Variants in BCKDHB observed in about 807,000 individuals in gnomAD.
BCKDHB encodes branched chain keto acid dehydrogenase E1 subunit beta.
BCKDHB carries 41 observed loss-of-function variants against 48.5 expected under a neutral mutation model. The ratio of observed to expected loss-of-function variants is 0.85; its 90% CI spans 0.66 to 1.10. The LOEUF is 1.10. Ranked by LOEUF, BCKDHB falls within the 50% of genes least tolerant of loss-of-function variation. The pLI is 0.00. For missense variants in BCKDHB, 496 were observed against 494.2 expected (o/e 1.00, Z -0.03); for synonymous variants, 201 against 174.8 (o/e 1.15, Z -1.18).
chr6:80,398,750 A>G, the BCKDHB span, among the ~76,000 whole-genome samples: 1 of 152,070 alleles, frequency 6.6e-6, no homozygotes, highest in African/African-American at 2.4e-5. Flanking sequence ...ATGAGGCCAG[A>G]ATTATCTTGA....
At chr6:80,203,940 G>T (rs1774516636) in intron 8 of BCKDHB, among the ~76,000 whole-genome samples, 1 of 142,512 alleles carries the variant, frequency 7.0e-6, no homozygotes, top group African/African-American at 2.7e-5. Flanking sequence ...GTTTGTAATA[G>T]TCTTATCAAT....
chr6:80,181,402 G>A (rs1046965227), intron 6 of BCKDHB, among the ~76,000 whole-genome samples: 1 of 152,028 alleles, frequency 6.6e-6, no homozygotes, highest in African/African-American at 2.4e-5. Flanking sequence ...CTGACTGTCA[G>A]CCATCGATGC....
At chr6:80,129,349 C>A in intron 3 of BCKDHB, 120 bp downstream of exon 3, 1 of 790,590 alleles carries the variant, frequency 1.3e-6, no homozygotes, top group Non-Finnish European at 2.2e-6. Context: ...AATTCCTTTT[C>A]ATTTCCAACG....
At chr6:80,136,062 C>G (rs956586422) in intron 3 of BCKDHB, among the ~76,000 whole-genome samples, 1 of 152,154 alleles carries the variant, frequency 6.6e-6, no homozygotes, top group Non-Finnish European at 1.5e-5. Flanking sequence ...TTTATCCATT[C>G]ATTTGTTGAT....
intron 6 of BCKDHB, among the ~76,000 whole-genome samples, chr6:80,190,159 A>T (rs191325092): frequency 3.0e-4 from 46 of 152,296 alleles, no homozygotes; most frequent in Non-Finnish European, 5.9e-4. Flanking sequence ...GTGTGTAAAA[A>T]ATTAATTTGA....
chr6:80,405,656 G>T, the BCKDHB span, among the ~76,000 whole-genome samples: 2 of 151,950 alleles, frequency 1.3e-5, no homozygotes, highest in African/African-American at 4.8e-5. Context: ...CAGTGCAGTG[G>T]TATGCTTTGA....
chr6:80,129,065 G>A (rs1770490856), intron 2 of BCKDHB, 96 bp from the exon 3 acceptor site: 1 of 956,976 alleles, frequency 1.0e-6, no homozygotes. Flanking sequence ...TATCTTTTGT[G>A]ATTTAAAATG....
In BCKDHB at chr6:80,203,180, A is replaced by AT; in HGVS notation, c.920dup (p.Ile308AsnfsTer10). 1 of 1,611,546 alleles carries AT rather than the reference A, an allele frequency of 6.2e-7. No homozygotes were observed. Among genetic ancestry groups the AT allele is most frequent in the Non-Finnish European group, 8.5e-7 (1 of 1,177,846 alleles). On this transcript the variant is annotated frameshift_variant, in exon 8 of 10. Transcript: ENST00000320393. LOFTEE classifies it high-confidence loss of function. The stretch of plus-strand genomic sequence containing the variant: ...TTGTGAAGTCATTGATCTGAGGACT[A>AT]TAATACCTTGGGATGTGGACACAAT...
intron 9 of BCKDHB, among the ~76,000 whole-genome samples, chr6:80,305,319 A>G (rs572042536): frequency 1.1e-3 from 166 of 152,258 alleles, no homozygotes; most frequent in African/African-American, 3.9e-3. Flanking sequence ...AAAAAAGACT[A>G]TGTTCACAGA....
intron 8 of BCKDHB, among the ~76,000 whole-genome samples, chr6:80,225,636 T>G (rs1014601225): frequency 1.4e-4 from 21 of 152,166 alleles, no homozygotes; most frequent in African/African-American, 5.1e-4. Context: ...CTGTGAAAGA[T>G]TGCATCCCTT....
At chr6:80,177,100 G>A (rs1190222437) in intron 6 of BCKDHB, among the ~76,000 whole-genome samples, 3 of 151,542 alleles carry the variant, frequency 2.0e-5, no homozygotes, top group Non-Finnish European at 4.4e-5. Flanking sequence ...CATGGCATGC[G>A]CCTGTGGTCC....
At chr6:80,323,663 C>T (rs1448580290) in intron 9 of BCKDHB, among the ~76,000 whole-genome samples, 1 of 152,220 alleles carries the variant, frequency 6.6e-6, no homozygotes, top group Non-Finnish European at 1.5e-5. Context: ...AGAATTCTCA[C>T]ACTTTTGCCC....
At chr6:80,266,351 G>T (rs1777513238) in intron 8 of BCKDHB, among the ~76,000 whole-genome samples, 1 of 152,146 alleles carries the variant, frequency 6.6e-6, no homozygotes, top group Non-Finnish European at 1.5e-5. Context: ...AAATAATTAT[G>T]TTGCTACCTA....
the BCKDHB span, among the ~76,000 whole-genome samples, chr6:80,371,747 C>G: frequency 6.6e-6 from 1 of 151,992 alleles, no homozygotes; most frequent in African/African-American, 2.4e-5. Flanking sequence ...GGTATCTTTT[C>G]CCCCTTTATG....
the BCKDHB span, among the ~76,000 whole-genome samples, chr6:80,399,541 G>C: frequency 6.6e-6 from 1 of 152,058 alleles, no homozygotes; most frequent in Non-Finnish European, 1.5e-5. Flanking sequence ...ACTACTGATG[G>C]TGGTGAAAGA....
intron 5 of BCKDHB, 117 bp downstream of exon 5, chr6:80,169,147 TGTGA>T (rs1367514011): frequency 2.2e-6 from 3 of 1,371,524 alleles, no homozygotes; most frequent in East Asian, 2.4e-5. Context: ...TTGGAATTTA[TGTGA>T]ACTTAACTGT....
chr6:80,278,036 G>A (rs1778039771), intron 9 of BCKDHB, among the ~76,000 whole-genome samples: 1 of 152,062 alleles, frequency 6.6e-6, no homozygotes, highest in Non-Finnish European at 1.5e-5. Context: ...GAAAAGAGGG[G>A]AAAAGATCCT....
intron 8 of BCKDHB, among the ~76,000 whole-genome samples, chr6:80,210,729 G>C (rs1380937997): frequency 1.3e-5 from 2 of 152,062 alleles, no homozygotes; most frequent in East Asian, 1.9e-4. Context: ...ATGCAGCTCT[G>C]TCCACACCCT....
At chr6:80,346,979 A>G (rs187428572), downstream of BCKDHB, among the ~76,000 whole-genome samples, 2 of 151,426 alleles carry the variant, frequency 1.3e-5, no homozygotes, top group African/African-American at 4.9e-5. Flanking sequence ...TCCTTTCTCT[A>G]GAAACACTGG....
Sources: gnomAD v4.1 joint callset for allele counts (sites outside exome capture counted in the v4.1 genomes callset) on GRCh38, gnomAD v4.1.1 for gene constraint, MANE v1.5 for transcripts, NCBI Gene and HGNC (gene_info 2026-07-23, HGNC 2026-07-21) for gene names.